TMEM131: variants seen among roughly 807,000 people sequenced by gnomAD.
TMEM131 encodes transmembrane protein 131, also known as 2610524E03Rik.
Under a neutral mutation model 211.6 loss-of-function variants are expected in TMEM131, and 66 were observed. The ratio of observed to expected loss-of-function variants is 0.31; its 90% CI spans 0.26 to 0.38. TMEM131 has a LOEUF of 0.38. Ranked by LOEUF, TMEM131 falls within the 10% of genes least tolerant of loss-of-function variation. TMEM131 has a pLI of 1.00. For missense variants in TMEM131, 2,036 were observed against 2,299.3 expected (o/e 0.89, Z 2.34); for synonymous variants, 844 against 841.3 (o/e 1.00, Z -0.06).
intron 1 of TMEM131, among the ~76,000 whole-genome samples, chr2:97,958,782 T>C (rs146889253): frequency 2.0e-5 from 3 of 152,280 alleles, no homozygotes; most frequent in Non-Finnish European, 4.4e-5. Flanking sequence ...AGACAGTACT[T>C]GAACTTGGGG....
At chr2:97,822,492 T>C (rs1162031313) in intron 11 of TMEM131, among the ~76,000 whole-genome samples, 22 of 152,064 alleles carry the variant, frequency 1.4e-4, no homozygotes, top group Admixed American at 1.4e-3. Context: ...TAGGATGGGG[T>C]AAAGTCCCAA....
chr2:97,964,541 C>A (rs1343405752), intron 1 of TMEM131, among the ~76,000 whole-genome samples: 1 of 152,208 alleles, frequency 6.6e-6, no homozygotes, highest in Admixed American at 6.5e-5. Context: ...CTATTTTTAT[C>A]ATATCAAGCT....
rs143283016 is a variant in TMEM131, at chr2:97,859,142, T to C, written c.483+162A>G. On this transcript the variant is annotated intron_variant, in intron 5 of 40. Transcript: ENST00000186436. ...CTGTTGCATGTTGAGAAAAACAATA[T>C]GGTTAAGGGTAGAAGTAATCATTCT... is the stretch of plus-strand genomic sequence containing the variant. Among the ~76,000 whole-genome samples the C allele has an allele frequency of 2.1e-4, 32 of 152,304 alleles. No individual in the cohort carries two copies. In the East Asian group the frequency reaches 4.6e-3, roughly 22 times the overall value.
chr2:97,781,018 G>A (rs1292128830), intron 31 of TMEM131, among the ~76,000 whole-genome samples: 6 of 148,908 alleles, frequency 4.0e-5, no homozygotes, highest in Non-Finnish European at 9.0e-5. Flanking sequence ...CTGCTTGCCT[G>A]CTCCCACGAT....
At chr2:97,878,665 GA>G (rs1674794498) in intron 4 of TMEM131, among the ~76,000 whole-genome samples, 1 of 152,132 alleles carries the variant, frequency 6.6e-6, no homozygotes, top group African/African-American at 2.4e-5. Flanking sequence ...CATGGACATA[GA>G]GGGGGGAACA....
chr2:97,994,308 G>A (rs1181334817), intron 1 of TMEM131, among the ~76,000 whole-genome samples: 1 of 152,164 alleles, frequency 6.6e-6, no homozygotes, highest in African/African-American at 2.4e-5. Flanking sequence ...CCTTTCTATA[G>A]ACGACAATTC....
chr2:97,943,067 AAG>A (rs1328111378), intron 1 of TMEM131, among the ~76,000 whole-genome samples: 1 of 138,216 alleles, frequency 7.2e-6, no homozygotes, highest in African/African-American at 2.6e-5. Flanking sequence ...GAAAGAAAGA[AAG>A]AAAGAAAGAA....
chr2:97,855,607 A>G (rs1673808792), intron 5 of TMEM131, among the ~76,000 whole-genome samples: 1 of 152,020 alleles, frequency 6.6e-6, no homozygotes, highest in South Asian at 2.1e-4. Flanking sequence ...AAGCTGAGGC[A>G]CAAGAATTGC....
chr2:97,776,171 A>C (rs1453974317), intron 31 of TMEM131, among the ~76,000 whole-genome samples, 153 bp from the exon 32 acceptor site: 1 of 151,976 alleles, frequency 6.6e-6, no homozygotes. Flanking sequence ...CTCCTGCCTC[A>C]GCCTCCTGAG....
At chr2:97,918,239 C>A (rs1356166876) in intron 2 of TMEM131, among the ~76,000 whole-genome samples, 1 of 152,112 alleles carries the variant, frequency 6.6e-6, no homozygotes, top group East Asian at 1.9e-4. Flanking sequence ...CCACTGCGCC[C>A]GGCCAACATG....
intron 1 of TMEM131, among the ~76,000 whole-genome samples, chr2:97,992,421 A>G (rs948973432): frequency 3.3e-5 from 5 of 152,240 alleles, no homozygotes; most frequent in African/African-American, 1.2e-4. Flanking sequence ...AAAATTTTTA[A>G]AGTCCTAATA....
At chr2:97,962,910 C>T (rs1678885232) in intron 1 of TMEM131, among the ~76,000 whole-genome samples, 1 of 152,188 alleles carries the variant, frequency 6.6e-6, no homozygotes, top group African/African-American at 2.4e-5. Context: ...CAAAAGACTG[C>T]ATGTAGTATG....
chr2:97,897,051 T>G (rs530582749), intron 3 of TMEM131, among the ~76,000 whole-genome samples: 1 of 152,242 alleles, frequency 6.6e-6, no homozygotes, highest in East Asian at 1.9e-4. Flanking sequence ...ATTTTTTTTG[T>G]TAAATTTATC....
At chr2:97,956,837 G>A (rs1045652654) in intron 1 of TMEM131, among the ~76,000 whole-genome samples, 14 of 152,082 alleles carry the variant, frequency 9.2e-5, no homozygotes, top group East Asian at 3.9e-4. Flanking sequence ...GGTGGCTCAC[G>A]GCTGTAATCC....
intron 8 of TMEM131, 115 bp from the exon 9 acceptor site, chr2:97,835,040 T>A: frequency 9.5e-7 from 1 of 1,058,136 alleles, no homozygotes. Flanking sequence ...TACCTATTAA[T>A]AAAAAAAATG....
At chr2:97,914,460 C>T (rs1002114031) in intron 2 of TMEM131, among the ~76,000 whole-genome samples, 6 of 152,142 alleles carry the variant, frequency 3.9e-5, no homozygotes, top group Non-Finnish European at 8.8e-5. Context: ...GGTTCATGAA[C>T]ACCAGTCAAG....
intron 10 of TMEM131, among the ~76,000 whole-genome samples, 160 bp from the exon 11 acceptor site, chr2:97,833,586 T>C (rs1331934166): frequency 6.6e-6 from 1 of 151,646 alleles, no homozygotes; most frequent in East Asian, 1.9e-4. Context: ...GCTTTACTCA[T>C]AAGGACATTG....
intron 31 of TMEM131, among the ~76,000 whole-genome samples, chr2:97,776,290 G>A (rs533304100): frequency 1.3e-5 from 2 of 152,132 alleles, no homozygotes; most frequent in East Asian, 3.9e-4. Context: ...TCCTGACCTC[G>A]TGATCTGCCT....
intron 1 of TMEM131, among the ~76,000 whole-genome samples, chr2:97,933,192 G>A (rs575496600): frequency 1.3e-5 from 2 of 152,226 alleles, no homozygotes; most frequent in African/African-American, 4.8e-5. Context: ...TGAGTGATGC[G>A]TGACCATAGT....
Sources: allele counts gnomAD v4.1 joint callset (sites outside exome capture counted in the v4.1 genomes callset), GRCh38; gene constraint gnomAD v4.1.1; transcripts MANE v1.5; gene names NCBI Gene and HGNC (gene_info 2026-07-23, HGNC 2026-07-21).